The following PXDNL variants were observed in gnomAD, a reference collection of about 807,000 sequenced individuals.
PXDNL encodes probable oxidoreductase PXDNL.
In PXDNL, 145 loss-of-function variants were observed where a neutral mutation model predicts 150.8. The ratio of observed to expected loss-of-function variants is 0.96; its 90% CI spans 0.84 to 1.10. The LOEUF is 1.10. PXDNL is among the 50% of genes least tolerant of loss of function. The probability of loss-of-function intolerance (pLI) is 0.00; values close to 1 mark genes in which losing one functional copy is unlikely to be tolerated. For missense variants in PXDNL, 2,087 were observed against 1,873.9 expected, an observed-to-expected ratio of 1.11 and a Z score of -2.10; for synonymous variants, 757 against 725.7, an observed-to-expected ratio of 1.04 and a Z score of -0.69.
intron 2 of PXDNL, among the ~76,000 whole-genome samples, chr8:51,652,637 C>T (rs1354588082): frequency 6.6e-6 from 1 of 152,118 alleles, no homozygotes; most frequent in African/African-American, 2.4e-5. Flanking sequence ...CTATCTGCCT[C>T]AATTTGGGTA....
At chr8:51,454,721 T>C (rs1177809496) in intron 9 of PXDNL, among the ~76,000 whole-genome samples, 2 of 152,304 alleles carry the variant, frequency 1.3e-5, no homozygotes, top group South Asian at 2.1e-4. Flanking sequence ...AATTCAACAA[T>C]AAATGTTTAA....
intron 20 of PXDNL, among the ~76,000 whole-genome samples, chr8:51,343,486 T>C (rs192345170): frequency 6.6e-6 from 1 of 152,328 alleles, no homozygotes; most frequent in East Asian, 1.9e-4. Context: ...TTGATAAGAT[T>C]GGCAGGAGGC....
chr8:51,441,701 T>C (rs966197640), intron 12 of PXDNL, among the ~76,000 whole-genome samples: 1 of 152,198 alleles, frequency 6.6e-6, no homozygotes, highest in African/African-American at 2.4e-5. Context: ...ATCACTGTGA[T>C]GGTTAGTGGT....
At chr8:51,477,006 G>T (rs1421643396) in intron 6 of PXDNL, among the ~76,000 whole-genome samples, 1 of 152,128 alleles carries the variant, frequency 6.6e-6, no homozygotes, top group African/African-American at 2.4e-5. Context: ...TCACTTCATT[G>T]TATTAATTTG....
chr8:51,331,168 T>A (rs1417651715), intron 21 of PXDNL, among the ~76,000 whole-genome samples: 4 of 152,074 alleles, frequency 2.6e-5, no homozygotes, highest in Admixed American at 6.5e-5. Context: ...ACTGCAGAAG[T>A]GGGAAAAGGA....
At chr8:51,806,951 T>A (rs1019008993) in intron 1 of PXDNL, among the ~76,000 whole-genome samples, 2 of 152,202 alleles carry the variant, frequency 1.3e-5, no homozygotes, top group Non-Finnish European at 2.9e-5. Context: ...CCCAGAGATA[T>A]TTAGGTTTGT....
At chr8:51,600,802 T>C (rs1411201286) in intron 2 of PXDNL, among the ~76,000 whole-genome samples, 1 of 136,734 alleles carries the variant, frequency 7.3e-6, no homozygotes, top group African/African-American at 2.7e-5. Flanking sequence ...GATAATAAAT[T>C]ATATCTTATA....
intron 19 of PXDNL, among the ~76,000 whole-genome samples, chr8:51,366,426 C>T (rs1372880282): frequency 6.6e-6 from 1 of 152,082 alleles, no homozygotes; most frequent in Non-Finnish European, 1.5e-5. Flanking sequence ...CGTGGCTGTG[C>T]TGGAGTCTCT....
chr8:51,492,787 G>C (rs1468648099), intron 5 of PXDNL, among the ~76,000 whole-genome samples: 1 of 152,158 alleles, frequency 6.6e-6, no homozygotes, highest in Admixed American at 6.5e-5. Context: ...CAGCCCAGAA[G>C]CTCGAACTGG....
At chr8:51,644,356 A>C (rs1814860909) in intron 2 of PXDNL, among the ~76,000 whole-genome samples, 1 of 95,886 alleles carries the variant, frequency 1.0e-5, no homozygotes, top group Non-Finnish European at 2.4e-5. Context: ...ACACACACAC[A>C]CACACACATA....
At chr8:51,455,401 G>A (rs1195947512) in intron 9 of PXDNL, among the ~76,000 whole-genome samples, 1 of 152,004 alleles carries the variant, frequency 6.6e-6, no homozygotes, top group Non-Finnish European at 1.5e-5. Context: ...TACATGTGAA[G>A]ATAAAAACAA....
At chr8:51,374,243 T>C (rs371977743) in intron 18 of PXDNL, among the ~76,000 whole-genome samples, 2,825 of 152,286 alleles carry the variant, frequency 0.019, 37 homozygotes, top group Non-Finnish European at 0.028. Flanking sequence ...TTACTCACAC[T>C]TTACAGATGA....
chr8:51,378,855 T>C (rs2915504), intron 17 of PXDNL, among the ~76,000 whole-genome samples: 123,177 of 152,128 alleles, frequency 0.81, 50,095 homozygotes, highest in East Asian at 0.95. Flanking sequence ...CTGAACATGT[T>C]CGAACATCAG....
intron 8 of PXDNL, among the ~76,000 whole-genome samples, chr8:51,462,525 C>T (rs758051186): frequency 5.9e-5 from 9 of 152,208 alleles, no homozygotes; most frequent in Admixed American, 2.0e-4. Context: ...AACAACAGAA[C>T]AGACCAAGCT....
At position 51,709,764 on chromosome 8, in the gene PXDNL, A is replaced by G. The variant is rs78792203; in HGVS notation, c.165-55004T>C. 7.0e-3 allele frequency among the ~76,000 whole-genome samples: 1,067 copies of G among 152,338 alleles called. 8 individuals carry two copies. The highest frequency in any genetic ancestry group is 9.7e-3 in the Non-Finnish European group (663 of 68,024). On this transcript the variant is annotated intron_variant, in intron 1 of 22. Transcript: ENST00000356297. ...TCCATGTACTTAACTACATATGTAT[A>G]TATGTATGTACCAACATCATTTACA...
At chr8:51,400,332 T>C (rs1214906084) in intron 17 of PXDNL, among the ~76,000 whole-genome samples, 1 of 152,222 alleles carries the variant, frequency 6.6e-6, no homozygotes, top group African/African-American at 2.4e-5. Flanking sequence ...GAGTTCAGGA[T>C]GGAATTTTCC....
intron 3 of PXDNL, among the ~76,000 whole-genome samples, chr8:51,583,491 C>T (rs894043672): frequency 6.6e-6 from 1 of 152,176 alleles, no homozygotes; most frequent in African/African-American, 2.4e-5. Context: ...AATGTCTCCT[C>T]TTCCCTCCTC....
At chr8:51,592,733 T>A in intron 2 of PXDNL, 35 bp from the exon 3 acceptor site, 2 of 1,437,320 alleles carry the variant, frequency 1.4e-6, no homozygotes, top group Non-Finnish European at 1.9e-6. Flanking sequence ...AATTCCCAAA[T>A]GAGAAACAGA....
chr8:51,781,234 C>T (rs1041429619), intron 1 of PXDNL, among the ~76,000 whole-genome samples: 3 of 152,148 alleles, frequency 2.0e-5, no homozygotes, highest in African/African-American at 7.2e-5. Context: ...CGAATGTTTT[C>T]TACAGTGAAA....
Sources: gnomAD v4.1 joint callset for allele counts (sites outside exome capture counted in the v4.1 genomes callset) on GRCh38, gnomAD v4.1.1 for gene constraint, MANE v1.5 for transcripts, NCBI Gene and HGNC (gene_info 2026-07-23, HGNC 2026-07-21) for gene names.